ZFP91: variants seen among roughly 807,000 people sequenced by gnomAD.
ZFP91 encodes ZFP91 zinc finger protein, atypical E3 ubiquitin ligase.
In ZFP91, 7 loss-of-function variants were observed where a neutral mutation model predicts 63.5. That is an observed-to-expected ratio of 0.11 (90% CI 0.06 to 0.21). The LOEUF (loss-of-function observed/expected upper bound fraction) is 0.21. Among genes scored for constraint, ZFP91 ranks in the 10% least tolerant of loss-of-function variants. The pLI, the probability that ZFP91 is intolerant of heterozygous loss-of-function variation, is 1.00. For missense variants in ZFP91, 628 were observed against 736.6 expected, an observed-to-expected ratio of 0.85 and a Z score of 1.71; for synonymous variants, 330 against 272.1, an observed-to-expected ratio of 1.21 and a Z score of -2.10.
chr11:58,579,092 A>C lies in ZFP91; in HGVS notation c.-190A>C. The C allele has an allele frequency of 7.9e-5, 27 of 343,016 alleles. No homozygotes were observed. The highest frequency in any genetic ancestry group is 1.5e-4 in the Admixed American group (2 of 13,488). The allele number at this position is 343,016 out of a possible 1,614,324, so 21.2% of individuals were successfully genotyped here. The stretch of plus-strand genomic sequence containing the variant: ...CGCGCGCGCGCGCGCCGCCAGCGGT[A>C]GCGGACCTTGAGTGGCAGGGGGTGG... On this transcript the variant is annotated 5_prime_UTR_variant, in exon 1 of 11. Coordinates refer to ENST00000316059, the MANE Select transcript of ZFP91 (RefSeq NM_053023.5).
chr11:58,612,593 C>G, intron 7 of ZFP91, 169 bp from the exon 8 acceptor site: 1 of 631,648 alleles, frequency 1.6e-6, no homozygotes, highest in South Asian at 2.1e-5. Flanking sequence ...TTTGCTAATT[C>G]TTGGTTACTT....
At chr11:58,593,844 A>G (rs1354416058) in intron 2 of ZFP91, among the ~76,000 whole-genome samples, 1 of 152,336 alleles carries the variant, frequency 6.6e-6, no homozygotes, top group Non-Finnish European at 1.5e-5. Context: ...TCAGAAATCT[A>G]GAATCCCAAA....
chr11:58,585,415 T>A (rs1855189689), intron 2 of ZFP91, among the ~76,000 whole-genome samples: 1 of 152,212 alleles, frequency 6.6e-6, no homozygotes, highest in Admixed American at 6.5e-5. Context: ...AAATACTTTA[T>A]TCTGGCTTTG....
chr11:58,618,685 A>AT lies in ZFP91; in HGVS notation c.*980dup, dbSNP rs1491467274. 1.1e-5 allele frequency: 5 copies of AT among 456,804 alleles called. No homozygotes were observed. Among genetic ancestry groups the AT allele is most frequent in the African/African-American group, 1.0e-4 (5 of 50,044 alleles). The allele number at this position is 456,804 out of a possible 1,614,324, so 28.3% of individuals were successfully genotyped here. ...ATAACAGGTACTTTGAAGGCAAGAC[A>AT]TAGGGTTGAAGAAGCACAGCCAGCC... On this transcript the variant is annotated 3_prime_UTR_variant, in exon 11 of 11. Coordinates refer to ENST00000316059, the MANE Select transcript of ZFP91 (RefSeq NM_053023.5).
At position 58,621,223 on chromosome 11, in the gene ZFP91, T is replaced by C. The variant is rs2134432257; in HGVS notation, c.*3517T>C. On this transcript the variant is annotated 3_prime_UTR_variant, in exon 11 of 11. Coordinates refer to ENST00000316059, the MANE Select transcript of ZFP91 (RefSeq NM_053023.5). The stretch of plus-strand genomic sequence containing the variant: ...CTTGATTTCTAATGCTGAAATGACA[T>C]GATTCTGTTATTCAGCAAACTTGGA... 6.6e-6 allele frequency among the ~76,000 whole-genome samples: 1 copy of C among 152,346 alleles called. No individual in the cohort carries two copies. The highest frequency in any genetic ancestry group is 2.4e-5 in the African/African-American group (1 of 41,578).
At chr11:58,616,636 C>T (rs1468965767) in intron 9 of ZFP91, 80 bp from the exon 10 acceptor site, 25 of 1,135,666 alleles carry the variant, frequency 2.2e-5, no homozygotes, top group Non-Finnish European at 3.2e-5. Flanking sequence ...TTGCCTGCCC[C>T]ATCATCTGCT....
At chr11:58,586,780 A>T (rs1334431162) in intron 2 of ZFP91, among the ~76,000 whole-genome samples, 1 of 152,116 alleles carries the variant, frequency 6.6e-6, no homozygotes, top group South Asian at 2.1e-4. Context: ...TTATTCTGGT[A>T]CTCTGGAATA....
At chr11:58,611,775 A>G (rs374060612) in intron 6 of ZFP91, 37 bp downstream of exon 6, 25 of 1,572,322 alleles carry the variant, frequency 1.6e-5, no homozygotes, top group Non-Finnish European at 2.2e-5. Context: ...AATCTAACAG[A>G]TTTTGAACGA....
At chr11:58,608,371 G>A (rs1184606813) in intron 2 of ZFP91, among the ~76,000 whole-genome samples, 1 of 151,842 alleles carries the variant, frequency 6.6e-6, no homozygotes, top group Non-Finnish European at 1.5e-5. Flanking sequence ...TGAACATCAT[G>A]TGGAAAGGTA....
chr11:58,612,584 T>C (rs1855684333), intron 7 of ZFP91, 178 bp from the exon 8 acceptor site: 1 of 624,974 alleles, frequency 1.6e-6, no homozygotes, highest in Non-Finnish European at 2.8e-6. Context: ...TGTCAAATAT[T>C]TGCTAATTCT....
chr11:58,617,459 G>T lies in ZFP91; in HGVS notation c.1466G>T (p.Gly489Val), dbSNP rs777235353. 5 of 1,614,010 alleles carry T rather than the reference G, an allele frequency of 3.1e-6. No homozygotes were observed. The East Asian group carries it at 8.9e-5, about 29-fold the overall frequency. The change falls in exon 11 of 11, where the codon GGT becomes GTT. Residue 489 changes from glycine to valine, a missense_variant. Around this residue, in one of 3 missense-constraint regions of ZFP91, gnomAD observed 115 missense variants for 125.4 expected, o/e 0.92. Coordinates refer to ENST00000316059, the MANE Select transcript of ZFP91 (RefSeq NM_053023.5). The surrounding 1 kb of genome is among the most constrained non-coding windows in gnomAD (Gnocchi z 4.2). ...GAGTCCCTGACGCAGCCTTCAGATG[G>T]TCAGGGTCTTCCTCTTCTTCCTGAG... ...NPESLTQPSD[G>V]QGLPLLPEPL... is the part of the protein sequence containing the mutation.
chr11:58,612,169 C>A, intron 6 of ZFP91, 109 bp from the exon 7 acceptor site: 1 of 1,118,928 alleles, frequency 8.9e-7, no homozygotes, highest in Non-Finnish European at 1.3e-6. Flanking sequence ...CTTGGTTATC[C>A]TTTGCCACTT....
chr11:58,581,651 G>T (rs2134385594), intron 1 of ZFP91, among the ~76,000 whole-genome samples: 1 of 152,256 alleles, frequency 6.6e-6, no homozygotes, highest in Middle Eastern at 3.4e-3. Context: ...GTGAGCCACT[G>T]CGCCCAGCCT....
intron 1 of ZFP91, among the ~76,000 whole-genome samples, chr11:58,582,332 G>A (rs1418340414): frequency 6.6e-6 from 1 of 152,114 alleles, no homozygotes; most frequent in African/African-American, 2.4e-5. Context: ...CCAAACCCTG[G>A]TCTGGTATCT....
intron 2 of ZFP91, among the ~76,000 whole-genome samples, chr11:58,603,812 C>G (rs1328316707): frequency 6.6e-6 from 1 of 152,150 alleles, no homozygotes; most frequent in Non-Finnish European, 1.5e-5. Context: ...TTCCCCCCTT[C>G]TATTTTCTTC....
chr11:58,579,173 A>T lies in ZFP91; in HGVS notation c.-109A>T. ...AGGGGGGAAAGAGGAGCGCAGGGTG[A>T]GAGTGAGCCGCAGGCTTCGGGAGGC... On this transcript the variant is annotated 5_prime_UTR_variant, in exon 1 of 11. Coordinates refer to ENST00000316059, the MANE Select transcript of ZFP91 (RefSeq NM_053023.5). The T allele has an allele frequency of 1.2e-6, 1 of 847,610 alleles. No homozygotes were observed. Among genetic ancestry groups the T allele is most frequent in the Non-Finnish European group, 1.6e-6 (1 of 636,232 alleles). 52.5% of individuals were successfully genotyped at this position (847,610 alleles called of 1,614,324 possible). A position where few individuals can be genotyped will look rare whatever the true frequency, so the allele number is the denominator to read the frequency against.
intron 2 of ZFP91, among the ~76,000 whole-genome samples, chr11:58,586,313 A>C (rs538979067): frequency 6.6e-6 from 1 of 152,316 alleles, no homozygotes; most frequent in African/African-American, 2.4e-5. Flanking sequence ...TTTTGGAGAG[A>C]AAAGTAGATG....
chr11:58,595,433 A>G (rs932332410), intron 2 of ZFP91, among the ~76,000 whole-genome samples: 3 of 152,144 alleles, frequency 2.0e-5, no homozygotes, highest in East Asian at 3.8e-4. Flanking sequence ...TATCATGACC[A>G]AGTGGCTCTC....
At chr11:58,614,863 T>C (rs188234176) in intron 9 of ZFP91, among the ~76,000 whole-genome samples, 10 of 152,290 alleles carry the variant, frequency 6.6e-5, no homozygotes, top group African/African-American at 1.9e-4. Flanking sequence ...ATATGTATTA[T>C]AGAATAGACT....
Sources: allele counts gnomAD v4.1 joint callset (sites outside exome capture counted in the v4.1 genomes callset), GRCh38; gene constraint gnomAD v4.1.1; regional missense constraint gnomAD v4.1.1; non-coding constraint Gnocchi (gnomAD v3.1); transcripts MANE v1.5; gene names NCBI Gene and HGNC (gene_info 2026-07-23, HGNC 2026-07-21).